MTA3: variants seen among roughly 807,000 people sequenced by gnomAD.
MTA3 encodes the protein metastasis associated 1 family member 3, also known as metastasis-associated protein MTA3.
In MTA3, 34 loss-of-function variants were observed where a neutral mutation model predicts 83.5. That is an observed-to-expected ratio of 0.41 (90% CI 0.31 to 0.54). MTA3 has a LOEUF of 0.54. Among genes scored for constraint, MTA3 ranks in the 20% least tolerant of loss-of-function variants. The probability of loss-of-function intolerance (pLI) is 0.33; values close to 1 mark genes in which losing one functional copy is unlikely to be tolerated. For synonymous variants in MTA3, 303 were observed against 252.7 expected (o/e 1.20, Z -1.89); for missense variants, 761 against 726.4 (o/e 1.05, Z -0.55).
At chr2:42,671,644 T>G (rs1690803219) in intron 8 of MTA3, among the ~76,000 whole-genome samples, 1 of 152,218 alleles carries the variant, frequency 6.6e-6, no homozygotes, top group East Asian at 1.9e-4. Flanking sequence ...TATTATCATT[T>G]GGTTCTAAAT....
chr2:42,497,673 C>T (rs1039753234), intron 2 of MTA3, among the ~76,000 whole-genome samples: 4 of 152,016 alleles, frequency 2.6e-5, no homozygotes, highest in Non-Finnish European at 2.9e-5. Flanking sequence ...CCACCTGGAG[C>T]CAGTTCCTTA....
chr2:42,570,598 G>T (rs1678353282), intron 2 of MTA3, 94 bp downstream of exon 2: 4 of 641,588 alleles, frequency 6.2e-6, no homozygotes, highest in Admixed American at 6.5e-5. Flanking sequence ...GGGGGCTCAT[G>T]CCTGCAATCC....
At chr2:42,498,571 A>G (rs1208527093) in intron 2 of MTA3, among the ~76,000 whole-genome samples, 1 of 152,200 alleles carries the variant, frequency 6.6e-6, no homozygotes, top group Non-Finnish European at 1.5e-5. Context: ...CATAATTGGT[A>G]CACATATATG....
At chr2:42,632,799 T>C (rs1439067270) in intron 4 of MTA3, among the ~76,000 whole-genome samples, 2 of 152,170 alleles carry the variant, frequency 1.3e-5, no homozygotes, top group Non-Finnish European at 2.9e-5. Context: ...CTCTACTTTG[T>C]GTACACACAA....
intron 8 of MTA3, among the ~76,000 whole-genome samples, chr2:42,667,375 C>T (rs530187506): frequency 1.6e-4 from 25 of 152,200 alleles, no homozygotes; most frequent in Middle Eastern, 6.8e-3. Context: ...TTTTCCCAAA[C>T]AGAAACCTCA....
intron 9 of MTA3, among the ~76,000 whole-genome samples, 174 bp from the exon 10 acceptor site, chr2:42,695,591 C>T (rs942991451): frequency 3.8e-5 from 5 of 132,532 alleles, no homozygotes; most frequent in South Asian, 2.5e-4. Context: ...GCTGACATCG[C>T]GCCACTGCAC....
At chr2:42,651,054 C>G (rs1364389686) in intron 6 of MTA3, among the ~76,000 whole-genome samples, 1 of 152,168 alleles carries the variant, frequency 6.6e-6, no homozygotes, top group Non-Finnish European at 1.5e-5. Flanking sequence ...AGGCTACAAA[C>G]CTGTACAGCA....
rs896563760 is a variant in MTA3 at position 42,755,469 on chromosome 2, G to A, written c.*2070G>A. On this transcript the variant is annotated 3_prime_UTR_variant, in exon 17 of 17. Transcript: ENST00000405094. Reference sequence around the variant, plus strand: ...GTTGACATTTGGCTTTGGGAAAAGCGCAGCTTGTTCGAGCCACGTGTGCCA... The same window carrying A: ...GTTGACATTTGGCTTTGGGAAAAGCACAGCTTGTTCGAGCCACGTGTGCCA... The A allele has an allele frequency of 1.5e-5, 15 of 985,364 alleles. No individual in the cohort carries two copies. Among genetic ancestry groups the A allele is most frequent in the South Asian group, 4.7e-5 (1 of 21,296 alleles). 61.0% of individuals were successfully genotyped at this position (985,364 alleles called of 1,614,324 possible). A position where few individuals can be genotyped will look rare whatever the true frequency, so the allele number is the denominator to read the frequency against.
At chr2:42,653,019 A>G (rs1688857465) in intron 6 of MTA3, among the ~76,000 whole-genome samples, 1 of 152,262 alleles carries the variant, frequency 6.6e-6, no homozygotes, top group Non-Finnish European at 1.5e-5. Flanking sequence ...GTATTTGAAC[A>G]ACACTGTGCT....
chr2:42,683,997 C>T (rs1692162837), intron 9 of MTA3, among the ~76,000 whole-genome samples: 1 of 152,076 alleles, frequency 6.6e-6, no homozygotes, highest in South Asian at 2.1e-4. Context: ...TCAAGGTATA[C>T]AATATGATGA....
intron 15 of MTA3, among the ~76,000 whole-genome samples, chr2:42,722,310 C>T (rs1374044269): frequency 6.6e-6 from 1 of 152,110 alleles, no homozygotes; most frequent in Non-Finnish European, 1.5e-5. Flanking sequence ...GTGATATATC[C>T]TTGGATAAAG....
chr2:42,500,811 CTTT>C (rs1177557640), intron 2 of MTA3, among the ~76,000 whole-genome samples: 3 of 133,144 alleles, frequency 2.3e-5, no homozygotes. Context: ...CTTTATGAAG[CTTT>C]TTTTTTTTTT....
chr2:42,589,807 G>A (rs2103929120), intron 3 of MTA3, among the ~76,000 whole-genome samples: 1 of 152,284 alleles, frequency 6.6e-6, no homozygotes, highest in Non-Finnish European at 1.5e-5. Context: ...GAAACTTTTT[G>A]ATATCTGGGT....
chr2:42,626,057 C>T (rs1290348351), intron 4 of MTA3, among the ~76,000 whole-genome samples: 1 of 149,342 alleles, frequency 6.7e-6, no homozygotes, highest in Non-Finnish European at 1.5e-5. Context: ...ATTCTCCTGC[C>T]TCAGCCTCCC....
intron 8 of MTA3, among the ~76,000 whole-genome samples, chr2:42,665,415 A>G (rs1319621037): frequency 1.3e-5 from 2 of 151,950 alleles, no homozygotes; most frequent in Non-Finnish European, 2.9e-5. Context: ...AAGAAAAAGT[A>G]GGTTTACAGT....
intron 8 of MTA3, among the ~76,000 whole-genome samples, chr2:42,679,851 T>TTC (rs1558575188): frequency 6.6e-6 from 1 of 151,882 alleles, no homozygotes; most frequent in African/African-American, 2.4e-5. Context: ...TTTTTTTTTT[T>TTC]CCCCACTTTG....
chr2:42,542,539 CT>C (rs1676568827), intron 2 of MTA3, among the ~76,000 whole-genome samples: 1 of 152,014 alleles, frequency 6.6e-6, no homozygotes, highest in Non-Finnish European at 1.5e-5. Context: ...CATACATAAT[CT>C]TTTATTTTAT....
chr2:42,696,543 C>T (rs572708854), intron 10 of MTA3, among the ~76,000 whole-genome samples: 1 of 149,228 alleles, frequency 6.7e-6, no homozygotes, highest in Non-Finnish European at 1.5e-5. Context: ...CATTATTTTT[C>T]CTATATATGT....
Position 42,754,892 on chromosome 2 carries a change from T to C in MTA3, c.*1493T>C. 1.0e-6 allele frequency: 1 copy of C among 985,592 alleles called. No individual in the cohort carries two copies. Among genetic ancestry groups the C allele is most frequent in the Non-Finnish European group, 1.2e-6 (1 of 830,078 alleles). 61.1% of individuals were successfully genotyped at this position (985,592 alleles called of 1,614,324 possible). A position where few individuals can be genotyped will look rare whatever the true frequency, so the allele number is the denominator to read the frequency against. ...GTGCTGTGTGAGGTGGAGGGCGGTT[T>C]TGCAGACATCTCAGCTTCTTTTCTG... On this transcript the variant is annotated 3_prime_UTR_variant, in exon 17 of 17. Transcript: ENST00000405094.
Sources: gnomAD v4.1 joint callset for allele counts (sites outside exome capture counted in the v4.1 genomes callset) on GRCh38, gnomAD v4.1.1 for gene constraint, MANE v1.5 for transcripts, NCBI Gene and HGNC (gene_info 2026-07-23, HGNC 2026-07-21) for gene names.